Variants in SCFD1 observed in about 807,000 individuals in gnomAD.
The protein encoded by SCFD1 is sec1 family domain containing 1.
SCFD1 carries 37 observed loss-of-function variants against 103.2 expected under a neutral mutation model. The ratio of observed to expected loss-of-function variants is 0.36; its 90% CI spans 0.28 to 0.47. The LOEUF is 0.47. Among genes scored for constraint, SCFD1 ranks in the 20% least tolerant of loss-of-function variants. The pLI is 1.00. For synonymous variants in SCFD1, 264 were observed against 245.0 expected, an observed-to-expected ratio of 1.08 and a Z score of -0.73; for missense variants, 639 against 761.2, an observed-to-expected ratio of 0.84 and a Z score of 1.89.
intron 7 of SCFD1, among the ~76,000 whole-genome samples, chr14:30,647,162 G>A (rs185025526): frequency 2.4e-4 from 37 of 152,012 alleles, no homozygotes; most frequent in Non-Finnish European, 4.6e-4. Flanking sequence ...ATCACTAATG[G>A]ATCAGTTTAA....
chr14:30,725,470 A>T (rs1892978246), intron 23 of SCFD1, among the ~76,000 whole-genome samples: 1 of 151,924 alleles, frequency 6.6e-6, no homozygotes, highest in South Asian at 2.1e-4. Context: ...CTTCTTCCTG[A>T]TTTGGCTCTC....
chr14:30,623,541 T>A (rs939376178), intron 1 of SCFD1, among the ~76,000 whole-genome samples: 9 of 152,220 alleles, frequency 5.9e-5, no homozygotes, highest in African/African-American at 1.9e-4. Context: ...CCATTCGTTG[T>A]ATATGTTTAA....
At chr14:30,700,121 G>C (rs536511386) in intron 15 of SCFD1, 67 bp from the exon 16 acceptor site, 2 of 1,096,966 alleles carry the variant, frequency 1.8e-6, no homozygotes, top group South Asian at 2.7e-5. Flanking sequence ...TAACATACTT[G>C]TGTTGACTAT....
intron 14 of SCFD1, among the ~76,000 whole-genome samples, chr14:30,681,857 TA>T (rs1302292016): frequency 1.3e-5 from 2 of 152,146 alleles, no homozygotes; most frequent in African/African-American, 4.8e-5. Flanking sequence ...GACTGTTTCG[TA>T]TAGCAACTTT....
intron 14 of SCFD1, among the ~76,000 whole-genome samples, chr14:30,693,592 A>G (rs964612257): frequency 2.0e-5 from 3 of 152,156 alleles, no homozygotes; most frequent in Admixed American, 6.6e-5. Flanking sequence ...AACTATATCT[A>G]TGTCCCTAAA....
chr14:30,651,203 A>C (rs1046462058), intron 9 of SCFD1, among the ~76,000 whole-genome samples: 3 of 152,162 alleles, frequency 2.0e-5, no homozygotes, highest in Non-Finnish European at 4.4e-5. Flanking sequence ...AACCCACTCA[A>C]ATGGCTGAGA....
Position 30,673,343 on chromosome 14 carries a change from T to A in SCFD1, c.1082T>A (p.Ile361Asn), listed in dbSNP as rs1364412408. 1.3e-6 allele frequency: 2 copies of A among 1,504,794 alleles called. No individual in the cohort carries two copies. The highest frequency in any genetic ancestry group is 2.3e-5 in the East Asian group (1 of 43,862). The allele number at this position is 1,504,794 out of a possible 1,614,324, so 93.2% of individuals were successfully genotyped here. A position where few individuals can be genotyped will look rare whatever the true frequency, so the allele number is the denominator to read the frequency against. Residue 361 changes from isoleucine to asparagine, a missense_variant, in exon 12 of 25, where the codon ATT (isoleucine) becomes AAT (asparagine). By Grantham distance (149) the Ile-to-Asn change is moderately radical. Transcript: ENST00000458591. ...QEDEVKRLKS[I>N]MGLEGEDEGA... ...GATGAGGTCAAACGACTTAAAAGCA[T>A]TATGGTAAGATTCTATTTGCTTTCT...
chr14:30,735,518 A>T (rs1666108100), intron 24 of SCFD1, 68 bp from the exon 25 acceptor site: 3 of 1,095,142 alleles, frequency 2.7e-6, no homozygotes, highest in Non-Finnish European at 4.2e-6. Flanking sequence ...GGGTTTACAA[A>T]TATGTTTGAA....
At position 30,719,368 on chromosome 14, in the gene SCFD1, G is replaced by C; in HGVS notation, c.1727G>C (p.Gly576Ala). 6.2e-7 allele frequency: 1 copy of C among 1,605,384 alleles called. No homozygotes were observed. The highest frequency in any genetic ancestry group is 8.5e-7 in the Non-Finnish European group (1 of 1,176,304). The change falls in exon 21 of 25, where the codon GGC (glycine) becomes GCC (alanine). Residue 576 changes from glycine to alanine, a missense_variant. Transcript: ENST00000458591. ...YRYFDPKMLR[G>A]NDSSVPRNKN... ...TATTTTGATCCCAAAATGCTGCGGG[G>C]CAATGACAGGTAAGCAGCTTTTGTC...
intron 10 of SCFD1, among the ~76,000 whole-genome samples, chr14:30,667,829 G>C (rs989151720): frequency 4.6e-5 from 7 of 152,064 alleles, no homozygotes; most frequent in Admixed American, 4.6e-4. Context: ...AAAATACCTA[G>C]GAATTCAACT....
chr14:30,716,001 G>A, intron 20 of SCFD1, 24 bp downstream of exon 20: 1 of 1,401,034 alleles, frequency 7.1e-7, no homozygotes, highest in Middle Eastern at 1.8e-4. Flanking sequence ...AACATATTTT[G>A]TGTAAATTCC....
At chr14:30,625,201 G>A (rs926079382) in intron 1 of SCFD1, among the ~76,000 whole-genome samples, 8 of 150,898 alleles carry the variant, frequency 5.3e-5, no homozygotes, top group African/African-American at 2.0e-4. Flanking sequence ...CCTGTGGTGA[G>A]CACTCATCAA....
intron 10 of SCFD1, among the ~76,000 whole-genome samples, chr14:30,656,448 AG>A (rs1287650820): frequency 6.6e-6 from 1 of 152,096 alleles, no homozygotes; most frequent in Non-Finnish European, 1.5e-5. Context: ...GTTGGGGGGC[AG>A]GGGGAGCTGT....
At chr14:30,627,906 A>G (rs1462639631) in intron 1 of SCFD1, among the ~76,000 whole-genome samples, 1 of 151,300 alleles carries the variant, frequency 6.6e-6, no homozygotes, top group Non-Finnish European at 1.5e-5. Context: ...TCAGCCAGAC[A>G]GTACACAGGC....
intron 14 of SCFD1, among the ~76,000 whole-genome samples, chr14:30,691,490 T>C (rs1890296235): frequency 6.6e-6 from 1 of 152,216 alleles, no homozygotes; most frequent in Non-Finnish European, 1.5e-5. Context: ...GAAGAGATAC[T>C]AGTTCTCTTA....
intron 23 of SCFD1, among the ~76,000 whole-genome samples, chr14:30,725,051 T>C (rs1429726535): frequency 1.3e-5 from 2 of 152,220 alleles, no homozygotes; most frequent in African/African-American, 4.8e-5. Context: ...AGGTCTGTTT[T>C]TGTACCAGTA....
At chr14:30,658,187 T>A in intron 10 of SCFD1, 1 of 438,850 alleles carries the variant, frequency 2.3e-6, no homozygotes. Context: ...TTTTCAAATC[T>A]TAGGTTCTCT....
chr14:30,658,119 G>A (rs1419453975), intron 10 of SCFD1: 2 of 455,018 alleles, frequency 4.4e-6, no homozygotes, highest in South Asian at 3.1e-5. Flanking sequence ...CAGAGCTGTG[G>A]ACTTCAGTCA....
intron 8 of SCFD1, 64 bp downstream of exon 8, chr14:30,649,647 A>G: frequency 8.3e-7 from 1 of 1,206,738 alleles, no homozygotes; most frequent in African/African-American, 1.6e-5. Flanking sequence ...CCCACAAGTA[A>G]CGCAACTGTT....
Sources: gnomAD v4.1 joint callset for allele counts (sites outside exome capture counted in the v4.1 genomes callset) on GRCh38, gnomAD v4.1.1 for gene constraint, MANE v1.5 for transcripts, NCBI Gene and HGNC (gene_info 2026-07-23, HGNC 2026-07-21) for gene names.